NCKAP5: variants seen among roughly 807,000 people sequenced by gnomAD.
NCKAP5 encodes the protein NCK associated protein 5.
Under a neutral mutation model 167.0 loss-of-function variants are expected in NCKAP5, and 92 were observed. The observed-to-expected ratio is 0.55, with a 90% CI of 0.47 to 0.66. The LOEUF is 0.66. Ranked by LOEUF, NCKAP5 falls within the 30% of genes least tolerant of loss-of-function variation. The pLI is 0.00. For synonymous variants in NCKAP5, 891 were observed against 877.4 expected (o/e 1.02, Z -0.27); for missense variants, 2,378 against 2,315.0 (o/e 1.03, Z -0.56).
chr2:133,347,829 A>G (rs1684082176), intron 3 of NCKAP5, among the ~76,000 whole-genome samples: 1 of 152,216 alleles, frequency 6.6e-6, no homozygotes, highest in African/African-American at 2.4e-5. Context: ...CAGCATGCAC[A>G]TGTCATGGCA....
At chr2:132,710,034 A>G (rs1016231331) in intron 19 of NCKAP5, among the ~76,000 whole-genome samples, 3 of 152,174 alleles carry the variant, frequency 2.0e-5, no homozygotes, top group African/African-American at 7.2e-5. Flanking sequence ...TCATAGCTAT[A>G]TAGGGTTTAT....
chr2:132,964,434 G>C (rs550962147), intron 7 of NCKAP5, among the ~76,000 whole-genome samples: 1 of 152,000 alleles, frequency 6.6e-6, no homozygotes, highest in Non-Finnish European at 1.5e-5. Flanking sequence ...TTCAGCATTC[G>C]TACTATGGCC....
chr2:133,464,591 G>A (rs2151247644), intron 3 of NCKAP5, among the ~76,000 whole-genome samples: 1 of 152,310 alleles, frequency 6.6e-6, no homozygotes, highest in South Asian at 2.1e-4. Flanking sequence ...TCAGGAGGCT[G>A]AGACAGGAGA....
chr2:132,920,266 G>C (rs1186247012), intron 8 of NCKAP5, among the ~76,000 whole-genome samples: 1 of 152,068 alleles, frequency 6.6e-6, no homozygotes, highest in South Asian at 2.1e-4. Flanking sequence ...ATAGTTATGT[G>C]ACCAAGGGCA....
chr2:133,672,097 T>C, the NCKAP5 span, among the ~76,000 whole-genome samples: 1 of 152,206 alleles, frequency 6.6e-6, no homozygotes, highest in South Asian at 2.1e-4. Flanking sequence ...TCAGATGGAC[T>C]TCTTTCAAAA....
chr2:133,073,883 C>A (rs947252713), intron 6 of NCKAP5, among the ~76,000 whole-genome samples: 1 of 152,128 alleles, frequency 6.6e-6, no homozygotes, highest in Non-Finnish European at 1.5e-5. Context: ...CTGAAAATGT[C>A]TGCTTTAACC....
At chr2:133,524,495 G>A in intron 2 of NCKAP5, among the ~76,000 whole-genome samples, 1 of 152,126 alleles carries the variant, frequency 6.6e-6, no homozygotes, top group Admixed American at 6.6e-5. Flanking sequence ...CCAAGTTAAT[G>A]TACGTATATC....
At chr2:133,060,430 T>C (rs1360438337) in intron 6 of NCKAP5, among the ~76,000 whole-genome samples, 1 of 152,204 alleles carries the variant, frequency 6.6e-6, no homozygotes, top group Non-Finnish European at 1.5e-5. Flanking sequence ...TATCAACAAG[T>C]ATAAACACTA....
intron 8 of NCKAP5, among the ~76,000 whole-genome samples, chr2:132,895,488 A>G (rs1367167225): frequency 6.6e-6 from 1 of 152,182 alleles, no homozygotes; most frequent in Non-Finnish European, 1.5e-5. Flanking sequence ...CATGAGAGCA[A>G]CATCTGGAAG....
the NCKAP5 span, among the ~76,000 whole-genome samples, chr2:133,627,223 A>T: frequency 1.8e-4 from 28 of 152,268 alleles, no homozygotes; most frequent in Non-Finnish European, 3.7e-4. Context: ...AAAAAAAATA[A>T]CCTCAAGGAA....
chr2:132,772,209 C>G (rs1481627930), intron 16 of NCKAP5, among the ~76,000 whole-genome samples: 1 of 152,076 alleles, frequency 6.6e-6, no homozygotes, highest in Non-Finnish European at 1.5e-5. Context: ...CTTGCACAAC[C>G]TTGAAATTGC....
chr2:133,611,189 T>C, the NCKAP5 span, among the ~76,000 whole-genome samples: 8 of 152,310 alleles, frequency 5.3e-5, no homozygotes, highest in Middle Eastern at 3.4e-3. Context: ...TGTTGACATA[T>C]GATGCATCCA....
At chr2:132,696,052 C>T (rs972411507) in intron 19 of NCKAP5, among the ~76,000 whole-genome samples, 1 of 151,706 alleles carries the variant, frequency 6.6e-6, no homozygotes, top group African/African-American at 2.4e-5. Context: ...AAAAATAACA[C>T]TCAGTGAAAT....
intron 4 of NCKAP5, among the ~76,000 whole-genome samples, chr2:133,225,561 G>T (rs1356419606): frequency 6.6e-6 from 1 of 152,112 alleles, no homozygotes; most frequent in African/African-American, 2.4e-5. Flanking sequence ...TCCTTCATTT[G>T]TGGAATGATT....
At chr2:132,725,485 G>T in intron 19 of NCKAP5, 142 bp downstream of exon 19, 1 of 1,003,200 alleles carries the variant, frequency 1.0e-6, no homozygotes, top group Non-Finnish European at 1.4e-6. Context: ...TCTTCTGTAT[G>T]TACCAGAAAA....
At chr2:133,082,132 T>C (rs1422559868) in intron 6 of NCKAP5, among the ~76,000 whole-genome samples, 1 of 152,128 alleles carries the variant, frequency 6.6e-6, no homozygotes, top group Non-Finnish European at 1.5e-5. Context: ...TGAGAGCATG[T>C]GGTGTTTGGC....
At chr2:133,412,090 T>C (rs1464152316) in intron 3 of NCKAP5, among the ~76,000 whole-genome samples, 1 of 152,184 alleles carries the variant, frequency 6.6e-6, no homozygotes, top group Non-Finnish European at 1.5e-5. Context: ...GCCTACGTAC[T>C]CCCCGGATTT....
rs146733032 is a variant in NCKAP5 at position 133,296,400 on chromosome 2, C to T, written c.143+6637G>A. On this transcript the variant is annotated intron_variant, in intron 4 of 19. Coordinates refer to ENST00000409261, the MANE Select transcript of NCKAP5 (RefSeq NM_207363.3). ...TCTGACCTCTGAATCTCGGAGGAGGCTGATTTGGGTAGTAGTAAAACTCCA... is the reference window on the plus strand; with the variant it reads ...TCTGACCTCTGAATCTCGGAGGAGGTTGATTTGGGTAGTAGTAAAACTCCA... Among the ~76,000 whole-genome samples, 191 of 151,370 alleles carry T rather than the reference C, an allele frequency of 1.3e-3. 1 individual carries two copies. The highest frequency in any genetic ancestry group is 4.3e-3 in the African/African-American group (178 of 41,420).
intron 7 of NCKAP5, among the ~76,000 whole-genome samples, chr2:132,970,159 A>C (rs2076790137): frequency 1.3e-5 from 2 of 152,170 alleles, no homozygotes. Context: ...ACTCATAAAA[A>C]CACGACAGTA....
Sources: allele counts gnomAD v4.1 joint callset (sites outside exome capture counted in the v4.1 genomes callset), GRCh38; gene constraint gnomAD v4.1.1; transcripts MANE v1.5; gene names NCBI Gene and HGNC (gene_info 2026-07-23, HGNC 2026-07-21).